Variants in FSHR observed in about 807,000 individuals in gnomAD.
FSHR encodes the protein follicle-stimulating hormone receptor.
Under a neutral mutation model 52.1 loss-of-function variants are expected in FSHR, and 46 were observed. The ratio of observed to expected loss-of-function variants is 0.88; its 90% CI spans 0.70 to 1.13. The LOEUF is 1.13. FSHR is among the 50% of genes most tolerant of loss of function. The pLI is 0.00. For missense variants in FSHR, 964 were observed against 834.6 expected (o/e 1.16, Z -1.91); for synonymous variants, 399 against 309.6 (o/e 1.29, Z -3.03).
In FSHR at chr2:49,019,811, G is replaced by T. The variant is rs13012535; in HGVS notation, c.299+275C>A. Among the ~76,000 whole-genome samples, 3,613 of 152,320 alleles carry T rather than the reference G, an allele frequency of 0.024. 50 individuals carry two copies. The highest frequency in any genetic ancestry group is 0.039 in the South Asian group (187 of 4,826). On this transcript the variant is annotated intron_variant, in intron 3 of 9. Transcript: ENST00000406846. ...TAACTCTGAATGGAAGGATGACACA[G>T]AGGTGCTTGCACATAGTCACTGGGC...
In FSHR at chr2:49,052,905, C is replaced by T. The variant is rs79142192; in HGVS notation, c.224+15314G>A. Among the ~76,000 whole-genome samples the T allele has an allele frequency of 1.4e-3, 213 of 152,276 alleles. 1 individual carries two copies. Among genetic ancestry groups the T allele is most frequent in the African/African-American group, 4.6e-3 (192 of 41,562 alleles). ...ACAGTTCTGGTTACCTGATTTACTT[C>T]CTTTCCTTTTATCTGTGCTGAGTGA... On this transcript the variant is annotated intron_variant, in intron 2 of 9. Transcript: ENST00000406846.
intron 4 of FSHR, among the ~76,000 whole-genome samples, chr2:49,003,691 G>T (rs555315890): frequency 3.3e-5 from 5 of 152,170 alleles, no homozygotes; most frequent in Admixed American, 3.3e-4. Context: ...CAAGCATCTG[G>T]ATCACAGCCA....
At chr2:48,982,706 A>G (rs774655029) in intron 8 of FSHR, among the ~76,000 whole-genome samples, 3 of 152,200 alleles carry the variant, frequency 2.0e-5, no homozygotes, top group Non-Finnish European at 2.9e-5. Context: ...TGCTCATTAC[A>G]TGTTATTATT....
chr2:49,096,975 C>T (rs1348456180), intron 1 of FSHR, among the ~76,000 whole-genome samples: 1 of 152,122 alleles, frequency 6.6e-6, no homozygotes, highest in Non-Finnish European at 1.5e-5. Flanking sequence ...GCCCCAGAAG[C>T]CAAGCAATAG....
intron 2 of FSHR, among the ~76,000 whole-genome samples, chr2:49,028,735 C>T (rs1667994470): frequency 6.6e-6 from 1 of 152,184 alleles, no homozygotes; most frequent in Non-Finnish European, 1.5e-5. Context: ...TTGTGCTTCT[C>T]CATACACTGT....
At chr2:49,119,656 C>T (rs1572769240) in intron 1 of FSHR, among the ~76,000 whole-genome samples, 1 of 152,188 alleles carries the variant, frequency 6.6e-6, no homozygotes. Context: ...CAGATTACCA[C>T]TGAAATCCCA....
At chr2:49,143,129 CAGA>C (rs977844895) in intron 1 of FSHR, among the ~76,000 whole-genome samples, 1 of 152,098 alleles carries the variant, frequency 6.6e-6, no homozygotes, top group African/African-American at 2.4e-5. Flanking sequence ...AGATGCACAA[CAGA>C]AGAAGGTTCA....
At chr2:49,143,598 A>G (rs1222729075) in intron 1 of FSHR, among the ~76,000 whole-genome samples, 1 of 152,164 alleles carries the variant, frequency 6.6e-6, no homozygotes, top group Non-Finnish European at 1.5e-5. Flanking sequence ...AACTCCACTG[A>G]GAAGACAATA....
chr2:49,017,739 C>G (rs540620057), intron 3 of FSHR, among the ~76,000 whole-genome samples, 176 bp from the exon 4 acceptor site: 1 of 152,216 alleles, frequency 6.6e-6, no homozygotes, highest in Admixed American at 6.5e-5. Context: ...CATGCAGTGC[C>G]TTTTATCACA....
intron 8 of FSHR, among the ~76,000 whole-genome samples, chr2:48,976,278 T>C (rs1296933365): frequency 2.0e-5 from 3 of 152,198 alleles, no homozygotes; most frequent in Non-Finnish European, 2.9e-5. Context: ...GTTTATGTGA[T>C]GGATTATGTT....
intron 2 of FSHR, among the ~76,000 whole-genome samples, chr2:49,063,375 G>A (rs1669382321): frequency 6.6e-6 from 1 of 151,876 alleles, no homozygotes; most frequent in Non-Finnish European, 1.5e-5. Context: ...ACTATAAATA[G>A]CCAAGGTATA....
intron 1 of FSHR, among the ~76,000 whole-genome samples, chr2:49,147,586 C>A (rs1558467788): frequency 6.6e-6 from 1 of 151,992 alleles, no homozygotes; most frequent in Admixed American, 6.6e-5. Flanking sequence ...TCTTCAATTG[C>A]TAATAATGAC....
intron 2 of FSHR, among the ~76,000 whole-genome samples, chr2:49,035,333 G>A (rs975886007): frequency 6.6e-6 from 1 of 152,210 alleles, no homozygotes; most frequent in East Asian, 1.9e-4. Flanking sequence ...CATTTTCGAA[G>A]GGTCTCTGCC....
At chr2:49,012,564 C>T (rs960352454) in intron 4 of FSHR, among the ~76,000 whole-genome samples, 2 of 152,052 alleles carry the variant, frequency 1.3e-5, no homozygotes, top group Non-Finnish European at 2.9e-5. Flanking sequence ...TTTAAGTACC[C>T]GTATGCAGAA....
intron 1 of FSHR, among the ~76,000 whole-genome samples, chr2:49,128,086 T>G (rs1672130699): frequency 6.6e-6 from 1 of 151,698 alleles, no homozygotes; most frequent in Non-Finnish European, 1.5e-5. Flanking sequence ...TTCACCATGT[T>G]GGCCAGGCTG....
chr2:49,076,395 T>C (rs924974503), intron 1 of FSHR, among the ~76,000 whole-genome samples: 1 of 152,142 alleles, frequency 6.6e-6, no homozygotes, highest in Non-Finnish European at 1.5e-5. Context: ...TCATCAGATG[T>C]CATGAGACTT....
intron 2 of FSHR, among the ~76,000 whole-genome samples, chr2:49,061,502 G>C (rs921310116): frequency 2.7e-5 from 4 of 145,732 alleles, no homozygotes; most frequent in African/African-American, 7.6e-5. Context: ...TTCAGGAAGA[G>C]GATATGATTC....
chr2:49,074,918 A>G (rs1669890543), intron 1 of FSHR, among the ~76,000 whole-genome samples: 2 of 152,148 alleles, frequency 1.3e-5, no homozygotes, highest in Admixed American at 1.3e-4. Context: ...CATGATGTTA[A>G]ATGAAACAAG....
In FSHR at chr2:49,146,420, C is replaced by T. The variant is rs139358071; in HGVS notation, c.152+7846G>A. Among the ~76,000 whole-genome samples, 11 of 152,124 alleles carry T rather than the reference C, an allele frequency of 7.2e-5. No individual in the cohort carries two copies. The East Asian group carries it at 1.2e-3, about 16-fold the overall frequency. Reference sequence around the variant, plus strand: ...GATGCAGTGCTCAGAGACCTGTCCCCCTGTTTAGTTATGAAATCATTGCTG... The same window carrying T: ...GATGCAGTGCTCAGAGACCTGTCCCTCTGTTTAGTTATGAAATCATTGCTG... On this transcript the variant is annotated intron_variant, in intron 1 of 9. Transcript: ENST00000406846.
Sources: allele counts gnomAD v4.1 joint callset (sites outside exome capture counted in the v4.1 genomes callset), GRCh38; gene constraint gnomAD v4.1.1; transcripts MANE v1.5; gene names NCBI Gene and HGNC (gene_info 2026-07-23, HGNC 2026-07-21).